Variants in PCGF6 observed in about 807,000 individuals in gnomAD.
PCGF6 encodes the protein polycomb group RING finger protein 6.
A neutral mutation model predicts 45.5 loss-of-function variants in PCGF6; 24 were observed. The ratio of observed to expected loss-of-function variants is 0.53; its 90% confidence interval spans 0.38 to 0.74. The LOEUF (loss-of-function observed/expected upper bound fraction) is 0.74, where lower values mean the gene tolerates loss of function less well. PCGF6 is among the 30% of genes least tolerant of loss of function. The pLI is 0.00. For missense variants in PCGF6, 356 were observed against 443.2 expected (o/e 0.80, Z 1.77); for synonymous variants, 152 against 162.1 (o/e 0.94, Z 0.47).
intron 6 of PCGF6, among the ~76,000 whole-genome samples, chr10:103,336,158 C>T (rs965369228): frequency 1.3e-5 from 2 of 151,362 alleles, no homozygotes; most frequent in African/African-American, 4.9e-5. Flanking sequence ...CGCTTGAAAT[C>T]GGGAGGCAAA....
intron 7 of PCGF6, 65 bp from the exon 8 acceptor site, chr10:103,326,697 G>GTA (rs2093220208): frequency 4.5e-6 from 5 of 1,121,800 alleles, no homozygotes; most frequent in East Asian, 2.5e-5. Flanking sequence ...TGACGTATGT[G>GTA]TATATATATG....
chr10:103,320,270 A>G (rs984975921), intron 8 of PCGF6, among the ~76,000 whole-genome samples: 18 of 152,190 alleles, frequency 1.2e-4, no homozygotes, highest in Admixed American at 1.2e-3. Flanking sequence ...ACAATAAGAC[A>G]TCAAAGAGTA....
chr10:103,313,411 A>G lies in PCGF6; in HGVS notation c.996+775T>C, dbSNP rs376104907. Among the ~76,000 whole-genome samples, 17 of 152,118 alleles carry G rather than the reference A, an allele frequency of 1.1e-4. No homozygotes were observed. The East Asian group carries it at 1.2e-3, about 10-fold the overall frequency. ...GAAACCCTGTTTTGACTAAAAATAC[A>G]AAAATCAGCCGGGTGTGGTGGCACA... On this transcript the variant is annotated intron_variant, in intron 9 of 9. Transcript: ENST00000369847.
At position 103,305,185 on chromosome 10, in the gene PCGF6, G is replaced by C. The variant is rs368320032; in HGVS notation, c.997-1224C>G. ...AACGAGGTCTTGCTATGTAACCCAGGCTGGTCTCAAACTCTTGAGCTTCAA... is the reference window on the plus strand; with the variant it reads ...AACGAGGTCTTGCTATGTAACCCAGCCTGGTCTCAAACTCTTGAGCTTCAA... On this transcript the variant is annotated intron_variant, in intron 9 of 9. Transcript: ENST00000369847. Among the ~76,000 whole-genome samples, 11 of 151,064 alleles carry C rather than the reference G, an allele frequency of 7.3e-5. No individual in the cohort carries two copies. In the East Asian group the frequency reaches 1.8e-3, roughly 24 times the overall value.
intron 7 of PCGF6, among the ~76,000 whole-genome samples, chr10:103,327,779 A>C (rs899875489): frequency 1.3e-5 from 2 of 151,156 alleles, no homozygotes; most frequent in Admixed American, 1.3e-4. Flanking sequence ...GGTTCACGCT[A>C]TTCTCCTGCC....
At chr10:103,333,388 A>G (rs1161554230) in intron 7 of PCGF6, among the ~76,000 whole-genome samples, 2 of 152,248 alleles carry the variant, frequency 1.3e-5, no homozygotes, top group East Asian at 3.9e-4. Flanking sequence ...TTACCTCCCA[A>G]GAAACTATAA....
At chr10:103,336,768 G>A (rs376224050) in intron 6 of PCGF6, among the ~76,000 whole-genome samples, 23 of 152,240 alleles carry the variant, frequency 1.5e-4, no homozygotes, top group African/African-American at 4.3e-4. Context: ...CTAGCTACTC[G>A]AGAGGCTGAG....
intron 9 of PCGF6, among the ~76,000 whole-genome samples, chr10:103,312,083 CCA>C (rs1564723403): frequency 1.5e-5 from 1 of 67,270 alleles, no homozygotes. Flanking sequence ...GACTCTGTCT[CCA>C]AAAAAAAAAA....
chr10:103,341,246 C>T (rs975227970), intron 6 of PCGF6, among the ~76,000 whole-genome samples: 18 of 151,006 alleles, frequency 1.2e-4, no homozygotes, highest in African/African-American at 4.4e-4. Flanking sequence ...AAAAAAAAAT[C>T]CTTTTAATTT....
intron 7 of PCGF6, among the ~76,000 whole-genome samples, chr10:103,330,063 C>T (rs1220040853): frequency 1.3e-5 from 2 of 150,754 alleles, no homozygotes; most frequent in Non-Finnish European, 3.0e-5. Flanking sequence ...CCACTGTGCC[C>T]GGCCTGTTTT....
At position 103,350,723 on chromosome 10, in the gene PCGF6, G is replaced by A. The variant is rs139160000; in HGVS notation, c.344C>T (p.Ser115Leu). ...SLRLEGGRQD[S>L]EDEEERLINL... ...TCTAAATACCTCCTCCTCGTCCTCC[G>A]AGTCCTGCCGGCCTCCCTCCAGCCT... The change falls in exon 1 of 10, where the codon TCG becomes TTG. Residue 115 changes from serine (S) to leucine (L), a missense_variant. This residue lies in a region of PCGF6 where 307 missense variants were observed against 350.1 expected (regional missense o/e 0.88). Coordinates refer to ENST00000369847, the MANE Select transcript of PCGF6 (RefSeq NM_001011663.2). 1.3e-6 allele frequency: 2 copies of A among 1,535,400 alleles called. No individual in the cohort carries two copies. The highest frequency in any genetic ancestry group is 1.4e-5 in the African/African-American group (1 of 71,466).
In PCGF6 at chr10:103,328,582, A is replaced by G. The variant is rs528729783; in HGVS notation, c.811-1950T>C. On this transcript the variant is annotated intron_variant, in intron 7 of 9. Transcript: ENST00000369847. ...CTGTGTCTCTATTTGTAAAATAGAT[A>G]AAAATAGCACCTGCTTCATACAATT... 2.4e-4 allele frequency among the ~76,000 whole-genome samples: 36 copies of G among 152,318 alleles called. 1 individual carries two copies. In the South Asian group the frequency reaches 7.0e-3, roughly 30 times the overall value.
At chr10:103,339,836 C>A (rs1354662485) in intron 6 of PCGF6, among the ~76,000 whole-genome samples, 13 of 138,000 alleles carry the variant, frequency 9.4e-5, no homozygotes, top group Admixed American at 1.5e-4. Flanking sequence ...CACACACACA[C>A]ACACACACAC....
At chr10:103,313,633 A>C (rs1209638082) in intron 9 of PCGF6, among the ~76,000 whole-genome samples, 1 of 152,110 alleles carries the variant, frequency 6.6e-6, no homozygotes, top group Non-Finnish European at 1.5e-5. Flanking sequence ...AAAAAATCTC[A>C]TCACGTTTTA....
chr10:103,309,869 C>G (rs1489185148), intron 9 of PCGF6, among the ~76,000 whole-genome samples: 1 of 151,892 alleles, frequency 6.6e-6, no homozygotes, highest in Non-Finnish European at 1.5e-5. Flanking sequence ...TTGAGCCCCC[C>G]AGGTTGAGGC....
At chr10:103,318,650 C>G (rs543608899) in intron 8 of PCGF6, among the ~76,000 whole-genome samples, 1 of 150,978 alleles carries the variant, frequency 6.6e-6, no homozygotes, top group Non-Finnish European at 1.5e-5. Flanking sequence ...GAGGCTGAGG[C>G]AGAGAATGGC....
rs2093124663 is a variant in PCGF6, at chr10:103,303,019, TCAAA to T, written c.*882_*885del. ...CTGAAGTCTTTGCATGGAGGTGAGC[TCAAA>T]CACCCTTATTCTTTATTGCAGTGAT... On this transcript the variant is annotated 3_prime_UTR_variant, in exon 10 of 10. Coordinates refer to ENST00000369847, the MANE Select transcript of PCGF6 (RefSeq NM_001011663.2). 2.0e-5 allele frequency: 3 copies of T among 152,606 alleles called. No individual in the cohort carries two copies. Among genetic ancestry groups the T allele is most frequent in the Non-Finnish European group, 2.9e-5 (2 of 68,034 alleles). 9.5% of individuals were successfully genotyped at this position (152,606 alleles called of 1,614,324 possible).
At chr10:103,323,225 A>T (rs538175906) in intron 8 of PCGF6, among the ~76,000 whole-genome samples, 1 of 152,332 alleles carries the variant, frequency 6.6e-6, no homozygotes, top group East Asian at 1.9e-4. Context: ...CAGTTAGAGA[A>T]GTCATATTTC....
At chr10:103,332,216 G>A (rs73334821) in intron 7 of PCGF6, among the ~76,000 whole-genome samples, 2 of 152,110 alleles carry the variant, frequency 1.3e-5, no homozygotes, top group South Asian at 4.1e-4. Flanking sequence ...TTTTTCATGT[G>A]TAAGAACCAC....
Sources: allele counts gnomAD v4.1 joint callset (sites outside exome capture counted in the v4.1 genomes callset), GRCh38; gene constraint gnomAD v4.1.1; regional missense constraint gnomAD v4.1.1; transcripts MANE v1.5; gene names NCBI Gene and HGNC (gene_info 2026-07-23, HGNC 2026-07-21).